ADAM28: variants seen among roughly 807,000 people sequenced by gnomAD.
ADAM28 encodes the protein disintegrin and metalloproteinase domain-containing protein 28.
In ADAM28, 105 loss-of-function variants were observed where a neutral mutation model predicts 101.2. That is an observed-to-expected ratio of 1.04 (90% CI 0.89 to 1.22). ADAM28 has a LOEUF of 1.22. Among genes scored for constraint, ADAM28 ranks in the 50% most tolerant of loss-of-function variants. The pLI, the probability that ADAM28 is intolerant of heterozygous loss-of-function variation, is 0.00. For synonymous variants in ADAM28, 322 were observed against 310.6 expected (o/e 1.04, Z -0.39); for missense variants, 1,028 against 945.4 (o/e 1.09, Z -1.15).
rs553817913 is a variant in ADAM28 at position 24,311,681 on chromosome 8, C to T, written c.383+244C>T. Among the ~76,000 whole-genome samples, 4 of 152,170 alleles carry T rather than the reference C, an allele frequency of 2.6e-5. No individual in the cohort carries two copies. In the East Asian group the frequency reaches 7.7e-4, roughly 29 times the overall value. On this transcript the variant is annotated intron_variant, in intron 5 of 22. Transcript: ENST00000265769. Reference sequence around the variant, plus strand: ...TTTTAAAATACAGGATTTTGAATCCCAGTTCTGGAGTCAGAATCTTTAGGT... The same window carrying T: ...TTTTAAAATACAGGATTTTGAATCCTAGTTCTGGAGTCAGAATCTTTAGGT...
At chr8:24,296,098 G>C (rs1487431553) in intron 1 of ADAM28, 1 of 152,176 alleles carries the variant, frequency 6.6e-6, no homozygotes, top group East Asian at 1.9e-4. Flanking sequence ...GATGTGACAG[G>C]TGTTTGCGGG....
intron 2 of ADAM28, among the ~76,000 whole-genome samples, chr8:24,308,415 A>T (rs1809993521): frequency 1.3e-5 from 2 of 152,134 alleles, no homozygotes; most frequent in Admixed American, 1.3e-4. Flanking sequence ...CTCCAAAAGC[A>T]TTTATTCTTT....
chr8:24,302,181 A>C (rs1808868638), intron 2 of ADAM28, among the ~76,000 whole-genome samples: 1 of 152,138 alleles, frequency 6.6e-6, no homozygotes, highest in South Asian at 2.1e-4. Flanking sequence ...ATAAGTGAGA[A>C]CATGTGGTGT....
rs576947080 is a variant in ADAM28, at chr8:24,358,762, G to A, written c.*4358G>A. On this transcript the variant is annotated 3_prime_UTR_variant, in exon 23 of 23. Transcript: ENST00000265769. ...ACTATTGTTATAAAAAAAATCCTAA[G>A]CATGAAAATTACGGTATACAATTTA... is the stretch of plus-strand genomic sequence containing the variant. 2.6e-5 allele frequency: 4 copies of A among 152,192 alleles called. No homozygotes were observed. Among genetic ancestry groups the A allele is most frequent in the Admixed American group, 1.3e-4 (2 of 15,284 alleles). 9.4% of individuals were successfully genotyped at this position (152,192 alleles called of 1,614,324 possible).
chr8:24,342,163 A>G (rs888660324), intron 16 of ADAM28, among the ~76,000 whole-genome samples: 1 of 152,206 alleles, frequency 6.6e-6, no homozygotes, highest in East Asian at 1.9e-4. Flanking sequence ...CATTAATAAT[A>G]TAATGAACTT....
intron 1 of ADAM28, among the ~76,000 whole-genome samples, chr8:24,297,986 G>T (rs1347234399): frequency 2.0e-5 from 3 of 152,156 alleles, no homozygotes; most frequent in African/African-American, 7.2e-5. Flanking sequence ...AGAACCCCGT[G>T]ATGTTGTTCT....
rs940893932 is a variant in ADAM28 at position 24,356,104 on chromosome 8, G to C, written c.*1700G>C. 6.6e-6 allele frequency: 1 copy of C among 152,132 alleles called. No individual in the cohort carries two copies. Among genetic ancestry groups the C allele is most frequent in the African/African-American group, 2.4e-5 (1 of 41,430 alleles). 9.4% of individuals were successfully genotyped at this position (152,132 alleles called of 1,614,324 possible). A position where few individuals can be genotyped will look rare whatever the true frequency, so the allele number is the denominator to read the frequency against. Reference sequence around the variant, plus strand: ...TCCAGAGTCCACTGATCAAATCACTGTCAAGGATACAGGCTTTTTCTCCAT... The same window carrying C: ...TCCAGAGTCCACTGATCAAATCACTCTCAAGGATACAGGCTTTTTCTCCAT... On this transcript the variant is annotated 3_prime_UTR_variant, in exon 23 of 23. Coordinates refer to ENST00000265769, the MANE Select transcript of ADAM28 (RefSeq NM_014265.6).
Position 24,329,884 on chromosome 8 carries a change from TGTGAGAGAGAGAGA to T in ADAM28, c.973-99_973-86del, listed in dbSNP as rs1488907474. ...GTGTGTGTGTTTGTGTGTGTGTGTG[TGTGAGAGAGAGAGA>T]GAGAGAGAGAGAGAGAGATGGCAAG... is the stretch of plus-strand genomic sequence containing the variant. On this transcript the variant is annotated intron_variant, in intron 10 of 22. Transcript: ENST00000265769. 1.3e-4 allele frequency: 90 copies of T among 710,642 alleles called. 2 individuals are homozygous for T. The South Asian group carries it at 1.5e-3, about 12-fold the overall frequency. 44.0% of individuals were successfully genotyped at this position (710,642 alleles called of 1,614,324 possible).
chr8:24,294,086 G>C lies in ADAM28; in HGVS notation c.-64G>C, dbSNP rs758262553. Reference sequence around the variant, plus strand: ...TCTGTCTCACTGGAGAGGAGGCAGGGACAGACCCAGCAGCACCCACCTGAG... The same window carrying C: ...TCTGTCTCACTGGAGAGGAGGCAGGCACAGACCCAGCAGCACCCACCTGAG... On this transcript the variant is annotated 5_prime_UTR_variant, in exon 1 of 23. Coordinates refer to ENST00000265769, the MANE Select transcript of ADAM28 (RefSeq NM_014265.6). The C allele has an allele frequency of 1.4e-4, 216 of 1,573,968 alleles. No homozygotes were observed. The highest frequency in any genetic ancestry group is 1.7e-4 in the Non-Finnish European group (198 of 1,143,716).
chr8:24,303,117 A>G (rs1434911458), intron 2 of ADAM28, among the ~76,000 whole-genome samples: 3 of 151,590 alleles, frequency 2.0e-5, no homozygotes, highest in East Asian at 1.9e-4. Context: ...ATGATAGTTT[A>G]TTTTGCTGTA....
rs751011557 is a variant in ADAM28 at position 24,343,536 on chromosome 8, G to C, written c.1942G>C (p.Glu648Gln). Reference sequence around the variant, plus strand: ...TGACCATGAGCTCCAGTGTCAATGTGAGGAAGGATGGATCCCTCCCGACTG... The same window carrying C: ...TGACCATGAGCTCCAGTGTCAATGTCAGGAAGGATGGATCCCTCCCGACTG... ...VCDHELQCQC[E>Q]EGWIPPDCDD... Residue 648 changes from glutamate to glutamine, a missense_variant, in exon 18 of 23, where the codon GAG (glutamate) becomes CAG (glutamine). Glu to Gln is a conservative substitution (Grantham distance 29). Coordinates refer to ENST00000265769, the MANE Select transcript of ADAM28 (RefSeq NM_014265.6). 6.2e-7 allele frequency: 1 copy of C among 1,613,772 alleles called. No individual in the cohort carries two copies. Among genetic ancestry groups the C allele is most frequent in the Non-Finnish European group, 8.5e-7 (1 of 1,179,790 alleles).
At chr8:24,313,285 C>T (rs1810713100) in intron 5 of ADAM28, 103 bp from the exon 6 acceptor site, 2 of 1,093,248 alleles carry the variant, frequency 1.8e-6, no homozygotes, top group Non-Finnish European at 1.3e-6. Context: ...TTGTTTTTGA[C>T]ATTGACTAGG....
chr8:24,319,142 CT>C (rs561995339), intron 6 of ADAM28, among the ~76,000 whole-genome samples: 4 of 151,964 alleles, frequency 2.6e-5, no homozygotes, highest in Admixed American at 6.6e-5. Context: ...TATGCCAATA[CT>C]ATTTCACCTT....
chr8:24,298,864 T>A (rs1808325062), intron 1 of ADAM28, among the ~76,000 whole-genome samples: 1 of 152,082 alleles, frequency 6.6e-6, no homozygotes, highest in African/African-American at 2.4e-5. Context: ...GAAAATCTAA[T>A]GTTAGCTTCG....
chr8:24,311,246 C>G (rs1052979235), intron 4 of ADAM28, 115 bp from the exon 5 acceptor site: 24 of 683,108 alleles, frequency 3.5e-5, no homozygotes, highest in South Asian at 2.2e-5. Context: ...TACTGTTGTA[C>G]AGCAGAATAT....
At chr8:24,317,166 A>G (rs1811264704) in intron 6 of ADAM28, among the ~76,000 whole-genome samples, 1 of 152,090 alleles carries the variant, frequency 6.6e-6, no homozygotes, top group Non-Finnish European at 1.5e-5. Flanking sequence ...AAAAACCCCA[A>G]TGACAGTATT....
rs1190390417 is a variant in ADAM28 at position 24,329,994 on chromosome 8, G to A, written c.982G>A (p.Asp328Asn). The stretch of plus-strand genomic sequence containing the variant: ...TCTTTCATACCTTTAGGACCACAGC[G>A]ATAATCTTCTTAGAGTTGCAGGGAC... ...YSVGVVQDHS[D>N]NLLRVAGTMA... The change falls in exon 11 of 23, where the codon GAT (aspartate) becomes AAT (asparagine). Residue 328 changes from aspartate (D) to asparagine (N), a missense_variant. By Grantham distance (23) the Asp-to-Asn change is conservative. Coordinates refer to ENST00000265769, the MANE Select transcript of ADAM28 (RefSeq NM_014265.6). 5 of 1,612,870 alleles carry A rather than the reference G, an allele frequency of 3.1e-6. No individual in the cohort carries two copies. In the South Asian group the frequency reaches 4.4e-5, roughly 14 times the overall value.
rs531562420 is a variant in ADAM28 at position 24,353,780 on chromosome 8, C to A, written c.2255C>A (p.Thr752Lys). Residue 752 changes from threonine to lysine, a missense_variant, in exon 22 of 23, where the codon ACA becomes AAA. By Grantham distance (78) the Thr-to-Lys change is moderately conservative (BLOSUM62 -1). Transcript: ENST00000265769. ...TTATAATTAACGTAGCATAAAGACACAAACGCACTTCCCCCTACTGTTTTC... is the reference window on the plus strand; with the variant it reads ...TTATAATTAACGTAGCATAAAGACAAAAACGCACTTCCCCCTACTGTTTTC... ...NEPPASFHKD[T>K]NALPPTVFKD... The A allele has an allele frequency of 3.3e-6, 5 of 1,514,872 alleles. No homozygotes were observed. The African/African-American group carries it at 4.1e-5, about 12-fold the overall frequency. The allele number at this position is 1,514,872 out of a possible 1,614,324, so 93.8% of individuals were successfully genotyped here. A position where few individuals can be genotyped will look rare whatever the true frequency, so the allele number is the denominator to read the frequency against.
At chr8:24,345,599 T>C (rs1027439790) in intron 18 of ADAM28, among the ~76,000 whole-genome samples, 2 of 152,030 alleles carry the variant, frequency 1.3e-5, no homozygotes, top group Non-Finnish European at 2.9e-5. Flanking sequence ...TTTAATTGCA[T>C]TGAGAGTACC....
Sources: allele counts gnomAD v4.1 joint callset (sites outside exome capture counted in the v4.1 genomes callset), GRCh38; gene constraint gnomAD v4.1.1; transcripts MANE v1.5; gene names NCBI Gene and HGNC (gene_info 2026-07-23, HGNC 2026-07-21).